TMEM87A: variants seen among roughly 807,000 people sequenced by gnomAD.
TMEM87A encodes transmembrane protein 87A.
In TMEM87A, 50 loss-of-function variants were observed where a neutral mutation model predicts 90.0. The observed-to-expected ratio is 0.56, with a 90% CI of 0.44 to 0.70. The LOEUF (loss-of-function observed/expected upper bound fraction) is 0.70. Among genes scored for constraint, TMEM87A ranks in the 30% least tolerant of loss-of-function variants. TMEM87A has a pLI of 0.00. For missense variants in TMEM87A, 577 were observed against 660.5 expected, an observed-to-expected ratio of 0.87 and a Z score of 1.39; for synonymous variants, 226 against 226.7, an observed-to-expected ratio of 1.00 and a Z score of 0.03.
chr15:42,236,710 GC>G (rs1193793297), intron 9 of TMEM87A, among the ~76,000 whole-genome samples: 1 of 152,132 alleles, frequency 6.6e-6, no homozygotes, highest in Non-Finnish European at 1.5e-5. Flanking sequence ...ACAGTTTGTA[GC>G]ATCGAGACAA....
At chr15:42,240,552 A>G (rs1347950325) in intron 7 of TMEM87A, among the ~76,000 whole-genome samples, 1 of 152,244 alleles carries the variant, frequency 6.6e-6, no homozygotes, top group Non-Finnish European at 1.5e-5. Flanking sequence ...TATCTGAAAG[A>G]CATATTTGCC....
chr15:42,253,038 C>G (rs2051114260), intron 6 of TMEM87A, among the ~76,000 whole-genome samples: 1 of 152,186 alleles, frequency 6.6e-6, no homozygotes. Flanking sequence ...CTACTGGAAT[C>G]TATATTCCTT....
intron 6 of TMEM87A, chr15:42,258,201 G>A (rs568743068): frequency 2.9e-5 from 28 of 961,680 alleles, no homozygotes; most frequent in Middle Eastern, 1.1e-3. Flanking sequence ...CCAAACTGAC[G>A]ACATGTCCAT....
intron 12 of TMEM87A, 128 bp from the exon 13 acceptor site, chr15:42,228,948 TCTTATTCTCA>T: frequency 1.7e-6 from 1 of 583,010 alleles, no homozygotes; most frequent in South Asian, 2.3e-5. Flanking sequence ...CTTATAGCTC[TCTTATTCTCA>T]CTTAATCTCA....
chr15:42,243,317 A>AAATAAATAAAT (rs1566932776), intron 7 of TMEM87A, among the ~76,000 whole-genome samples: 4 of 37,472 alleles, frequency 1.1e-4, no homozygotes, highest in African/African-American at 1.4e-4. Context: ...AATAAATAAA[A>AAATAAATAAAT]AAAAAGAAAG....
intron 15 of TMEM87A, among the ~76,000 whole-genome samples, chr15:42,222,612 G>A (rs1277136932): frequency 1.3e-5 from 2 of 151,678 alleles, no homozygotes; most frequent in Non-Finnish European, 2.9e-5. Context: ...AGGCTGGAGT[G>A]CAACGGCATG....
chr15:42,238,079 A>G (rs1189901998), intron 8 of TMEM87A, among the ~76,000 whole-genome samples: 2 of 151,898 alleles, frequency 1.3e-5, no homozygotes, highest in African/African-American at 4.8e-5. Context: ...GGTGCTCTCT[A>G]TTATACACAC....
At chr15:42,234,794 T>C (rs2050743797) in intron 10 of TMEM87A, among the ~76,000 whole-genome samples, 1 of 152,194 alleles carries the variant, frequency 6.6e-6, no homozygotes. Context: ...ACCCTCCATA[T>C]AGGTAAACTC....
chr15:42,254,047 T>C (rs2051133107), intron 6 of TMEM87A, among the ~76,000 whole-genome samples: 1 of 152,006 alleles, frequency 6.6e-6, no homozygotes, highest in Non-Finnish European at 1.5e-5. Flanking sequence ...CAAAACTATT[T>C]TTTTCTTTTT....
At chr15:42,232,144 T>C (rs1224197481) in intron 11 of TMEM87A, among the ~76,000 whole-genome samples, 1 of 152,194 alleles carries the variant, frequency 6.6e-6, no homozygotes, top group Non-Finnish European at 1.5e-5. Flanking sequence ...CTGTGGAGTC[T>C]TTTTTTAAAA....
At chr15:42,230,968 G>A (rs1301403634) in intron 12 of TMEM87A, among the ~76,000 whole-genome samples, 1 of 151,834 alleles carries the variant, frequency 6.6e-6, no homozygotes, top group Non-Finnish European at 1.5e-5. Flanking sequence ...TCTCGAGCTC[G>A]GTCCACAGTC....
At chr15:42,230,012 G>T (rs1595716537) in intron 12 of TMEM87A, among the ~76,000 whole-genome samples, 1 of 152,302 alleles carries the variant, frequency 6.6e-6, no homozygotes, top group South Asian at 2.1e-4. Context: ...TTTTTGTAGA[G>T]ATAGGGCTTC....
intron 6 of TMEM87A, among the ~76,000 whole-genome samples, chr15:42,254,625 T>C (rs893622648): frequency 6.6e-6 from 1 of 152,146 alleles, no homozygotes; most frequent in Non-Finnish European, 1.5e-5. Flanking sequence ...ATTTGTACAA[T>C]TCCAACTAGA....
intron 6 of TMEM87A, chr15:42,259,016 T>C (rs2051235860): frequency 1.3e-6 from 1 of 763,288 alleles, no homozygotes; most frequent in African/African-American, 1.7e-5. Flanking sequence ...AAGCTTGAGA[T>C]GTCTGTGTTC....
chr15:42,231,113 T>C (rs2050678574), intron 12 of TMEM87A, 79 bp downstream of exon 12: 3 of 1,358,200 alleles, frequency 2.2e-6, no homozygotes, highest in Non-Finnish European at 3.0e-6. Flanking sequence ...TGATAAAAAC[T>C]CTTTGCAGAA....
chr15:42,247,411 T>C (rs1013528557), intron 6 of TMEM87A, among the ~76,000 whole-genome samples: 2 of 152,252 alleles, frequency 1.3e-5, no homozygotes, highest in Non-Finnish European at 2.9e-5. Flanking sequence ...AGGGATTTTA[T>C]GGTTTTAGGT....
intron 1 of TMEM87A, 71 bp from the exon 2 acceptor site, chr15:42,272,194 G>T: frequency 8.8e-7 from 1 of 1,134,360 alleles, no homozygotes; most frequent in Non-Finnish European, 1.3e-6. Context: ...AACTATCTAA[G>T]ACTGCTAGAA....
intron 6 of TMEM87A, among the ~76,000 whole-genome samples, chr15:42,249,710 G>C (rs1403722126): frequency 6.6e-6 from 1 of 152,142 alleles, no homozygotes; most frequent in Admixed American, 6.5e-5. Flanking sequence ...GTCAATTTTG[G>C]AATAAGTGTG....
At chr15:42,251,332 T>C (rs984135916) in intron 6 of TMEM87A, among the ~76,000 whole-genome samples, 3 of 152,224 alleles carry the variant, frequency 2.0e-5, no homozygotes, top group African/African-American at 7.2e-5. Context: ...CTGTGGTTTT[T>C]AGAATTTTCA....
Sources: allele counts gnomAD v4.1 joint callset (sites outside exome capture counted in the v4.1 genomes callset), GRCh38; gene constraint gnomAD v4.1.1; transcripts MANE v1.5; gene names NCBI Gene and HGNC (gene_info 2026-07-23, HGNC 2026-07-21).